Variants in DNAAF4 observed in about 807,000 individuals in gnomAD.
The protein encoded by DNAAF4 is dynein axonemal assembly factor 4, also known as dynein assembly factor 4, axonemal.
In DNAAF4, 43 loss-of-function variants were observed where a neutral mutation model predicts 51.8. That is an observed-to-expected ratio of 0.83 (90% CI 0.65 to 1.07). DNAAF4 has a LOEUF of 1.07. DNAAF4 is among the 50% of genes least tolerant of loss of function. The pLI is 0.00. For missense variants in DNAAF4, 581 were observed against 493.0 expected (o/e 1.18, Z -1.69); for synonymous variants, 194 against 165.6 (o/e 1.17, Z -1.32).
intron 5 of DNAAF4, among the ~76,000 whole-genome samples, chr15:55,460,638 C>T (rs1433462055): frequency 1.3e-5 from 2 of 152,066 alleles, no homozygotes; most frequent in Admixed American, 6.6e-5. Context: ...TATCCTAGAA[C>T]AAATGGACTT....
chr15:55,461,996 T>C (rs887710712), intron 5 of DNAAF4, among the ~76,000 whole-genome samples: 1 of 152,160 alleles, frequency 6.6e-6, no homozygotes, highest in Non-Finnish European at 1.5e-5. Flanking sequence ...AAAGCTACTA[T>C]GAATACCTTT....
intron 5 of DNAAF4, among the ~76,000 whole-genome samples, chr15:55,457,544 C>A (rs2058038171): frequency 6.6e-6 from 1 of 152,154 alleles, no homozygotes; most frequent in African/African-American, 2.4e-5. Context: ...TTATATCTCT[C>A]TTCTATACTG....
At chr15:55,474,989 CA>C (rs1212504147) in intron 4 of DNAAF4, among the ~76,000 whole-genome samples, 2 of 152,018 alleles carry the variant, frequency 1.3e-5, no homozygotes, top group Non-Finnish European at 2.9e-5. Flanking sequence ...AAACACAAAA[CA>C]AACAAACAAA....
chr15:55,433,380 G>C (rs1378783891), intron 8 of DNAAF4, among the ~76,000 whole-genome samples: 1 of 151,924 alleles, frequency 6.6e-6, no homozygotes, highest in Non-Finnish European at 1.5e-5. Flanking sequence ...GGAGGCCCAG[G>C]CGGGCGGAGG....
intron 4 of DNAAF4, among the ~76,000 whole-genome samples, chr15:55,483,048 G>C (rs995142703): frequency 6.6e-6 from 1 of 152,138 alleles, no homozygotes. Flanking sequence ...CTATGGTGGA[G>C]GGAAAAGTAG....
intron 5 of DNAAF4, among the ~76,000 whole-genome samples, chr15:55,452,028 C>T (rs138180517): frequency 0.041 from 6,162 of 151,854 alleles, 422 homozygotes; most frequent in African/African-American, 0.14. Context: ...GGGTGGATCA[C>T]TTGAGGTCAG....
chr15:55,434,080 A>T (rs1306285101), intron 8 of DNAAF4, among the ~76,000 whole-genome samples: 1 of 108,770 alleles, frequency 9.2e-6, no homozygotes, highest in African/African-American at 3.3e-5. Flanking sequence ...GGTTTTCCAG[A>T]AGAGATATGT....
At chr15:55,433,120 C>A (rs527614551) in intron 8 of DNAAF4, among the ~76,000 whole-genome samples, 1 of 152,186 alleles carries the variant, frequency 6.6e-6, no homozygotes, top group African/African-American at 2.4e-5. Flanking sequence ...GCCAACATGG[C>A]AAAACCCTGT....
intron 4 of DNAAF4, among the ~76,000 whole-genome samples, chr15:55,487,497 G>C (rs750663298): frequency 6.6e-6 from 1 of 151,940 alleles, no homozygotes; most frequent in African/African-American, 2.4e-5. Flanking sequence ...CAACTGGCTC[G>C]GGTCCCCTTC....
intron 3 of DNAAF4, among the ~76,000 whole-genome samples, chr15:55,497,115 C>A (rs1478145721): frequency 6.6e-6 from 1 of 152,182 alleles, no homozygotes; most frequent in Non-Finnish European, 1.5e-5. Context: ...ATCCCCTCCC[C>A]CTTCCCCTAT....
In DNAAF4 at chr15:55,494,634, A is replaced by G. The variant is rs143040514; in HGVS notation, c.271+3078T>C. On this transcript the variant is annotated intron_variant, in intron 3 of 9. Transcript: ENST00000321149. ...ACCATGTTGGCCAGGCTGGTCTCAA[A>G]CTCCTGACCTCAGGTGATTCACCTG... is the stretch of plus-strand genomic sequence containing the variant. Among the ~76,000 whole-genome samples, 224 of 151,178 alleles carry G rather than the reference A, an allele frequency of 1.5e-3. 1 individual carries two copies. The East Asian group carries it at 0.04, about 27-fold the overall frequency.
chr15:55,467,653 C>A (rs1450876398), intron 4 of DNAAF4, among the ~76,000 whole-genome samples: 2 of 151,948 alleles, frequency 1.3e-5, no homozygotes, highest in African/African-American at 4.8e-5. Context: ...ACCCTTCAGT[C>A]CTAAGGACTG....
chr15:55,499,009 C>T (rs1183955197), intron 1 of DNAAF4, among the ~76,000 whole-genome samples: 1 of 151,974 alleles, frequency 6.6e-6, no homozygotes, highest in Non-Finnish European at 1.5e-5. Context: ...GCATAAGGCT[C>T]GGGAAAGCAG....
chr15:55,433,759 AATAT>A (rs2057536953), intron 8 of DNAAF4, among the ~76,000 whole-genome samples: 1 of 119,996 alleles, frequency 8.3e-6, no homozygotes, highest in African/African-American at 3.2e-5. Context: ...TTTATATATA[AATAT>A]ATATAATTGT....
At chr15:55,441,012 G>A (rs902860015) in intron 6 of DNAAF4, among the ~76,000 whole-genome samples, 3 of 150,964 alleles carry the variant, frequency 2.0e-5, no homozygotes, top group African/African-American at 7.3e-5. Context: ...AATAGCTGGT[G>A]GAAATACAAT....
At chr15:55,445,484 CA>C (rs752483174) in intron 6 of DNAAF4, among the ~76,000 whole-genome samples, 7 of 151,892 alleles carry the variant, frequency 4.6e-5, no homozygotes, top group Non-Finnish European at 1.0e-4. Context: ...TTCTTTTCCC[CA>C]AATTTCCCCA....
At position 55,442,117 on chromosome 15, in the gene DNAAF4, TTTTTG is replaced by T. The variant is rs796721043; in HGVS notation, c.784-2541_784-2537del. On this transcript the variant is annotated intron_variant, in intron 6 of 9. Coordinates refer to ENST00000321149, the MANE Select transcript of DNAAF4 (RefSeq NM_130810.4). ...AACACATCCTAAGGAGACAGAGTTT[TTTTTG>T]TTTTGTTTTGTTTTGAGATGGGTTC... Among the ~76,000 whole-genome samples the T allele has an allele frequency of 4.2e-3, 636 of 152,204 alleles. 7 individuals carry two copies. The highest frequency in any genetic ancestry group is 0.014 in the African/African-American group (588 of 41,530).
At position 55,497,847 on chromosome 15, in the gene DNAAF4, G is replaced by T; in HGVS notation, c.136C>A (p.Pro46Thr). The change falls in exon 3 of 10, where the codon CCA becomes ACA. Residue 46 changes from proline to threonine, a missense_variant. Pro to Thr is a conservative substitution (Grantham distance 38, BLOSUM62 -1). Coordinates refer to ENST00000321149, the MANE Select transcript of DNAAF4 (RefSeq NM_130810.4). ...TENYLKVNFPPFLFEAFLYAP... is the reference protein window; with the variant it reads ...TENYLKVNFPTFLFEAFLYAP... ...TAAAGAAATGCCTCAAATAAAAATG[G>T]AGGAAAGTTGACCTATGCAGAAGGG... is the stretch of plus-strand genomic sequence containing the variant. 2 of 1,610,972 alleles carry T rather than the reference G, an allele frequency of 1.2e-6. No homozygotes were observed. The highest frequency in any genetic ancestry group is 1.7e-6 in the Non-Finnish European group (2 of 1,179,108).
chr15:55,500,572 G>A (rs948137947), intron 1 of DNAAF4, among the ~76,000 whole-genome samples: 2 of 151,996 alleles, frequency 1.3e-5, no homozygotes, highest in Non-Finnish European at 2.9e-5. Context: ...TTGTGCTGTC[G>A]GGGATTTCAG....
Sources: allele counts gnomAD v4.1 joint callset (sites outside exome capture counted in the v4.1 genomes callset), GRCh38; gene constraint gnomAD v4.1.1; transcripts MANE v1.5; gene names NCBI Gene and HGNC (gene_info 2026-07-23, HGNC 2026-07-21).